Variants in TSHZ2 observed in about 807,000 individuals in gnomAD.
The protein encoded by TSHZ2 is teashirt zinc finger homeobox 2, also known as teashirt homolog 2.
Under a neutral mutation model 74.4 loss-of-function variants are expected in TSHZ2, and 21 were observed. That is an observed-to-expected ratio of 0.28 (90% CI 0.20 to 0.41). The LOEUF (loss-of-function observed/expected upper bound fraction) is 0.41. Among genes scored for constraint, TSHZ2 ranks in the 10% least tolerant of loss-of-function variants. TSHZ2 has a pLI of 1.00. For missense variants in TSHZ2, 1,244 were observed against 1,293.5 expected (o/e 0.96, Z 0.59); for synonymous variants, 540 against 515.3 (o/e 1.05, Z -0.65).
intron 2 of TSHZ2, among the ~76,000 whole-genome samples, chr20:53,278,128 A>G (rs1030341963): frequency 1.3e-5 from 2 of 152,162 alleles, no homozygotes; most frequent in African/African-American, 2.4e-5. Context: ...TGATCCTTAT[A>G]TTAGCCTTTC....
intron 2 of TSHZ2, among the ~76,000 whole-genome samples, chr20:53,454,862 A>G (rs1984986792): frequency 6.6e-6 from 1 of 152,148 alleles, no homozygotes; most frequent in African/African-American, 2.4e-5. Context: ...AGTATCAAGG[A>G]ACTGAAACTT....
rs918385344 is a variant in TSHZ2, at chr20:53,207,223, C to T, written c.41-46276C>T. Among the ~76,000 whole-genome samples the T allele has an allele frequency of 2.0e-5, 3 of 152,028 alleles. No individual in the cohort carries two copies. The East Asian group carries it at 5.8e-4, about 29-fold the overall frequency. ...CCACTGGCTGCTGCCCTAGTAAAGGCAGTGAGAAGGAAGAGAGGGAAATTG... is the reference window on the plus strand; with the variant it reads ...CCACTGGCTGCTGCCCTAGTAAAGGTAGTGAGAAGGAAGAGAGGGAAATTG... On this transcript the variant is annotated intron_variant, in intron 1 of 2. Transcript: ENST00000371497.
chr20:53,346,218 A>G (rs1200561633), intron 2 of TSHZ2, among the ~76,000 whole-genome samples: 1 of 152,008 alleles, frequency 6.6e-6, no homozygotes, highest in Non-Finnish European at 1.5e-5. Flanking sequence ...TTTTGACAGA[A>G]CTCACTTTCC....
rs1600758652 is a variant in TSHZ2 at position 53,235,432 on chromosome 20, A to G, written c.41-18067A>G. On this transcript the variant is annotated intron_variant, in intron 1 of 2. Coordinates refer to ENST00000371497, the MANE Select transcript of TSHZ2 (RefSeq NM_173485.6). ...TGATCCACCCACCTCAGCCTCCCAA[A>G]GTGCTGGGATTACAGGTGCGAGCCA... Among the ~76,000 whole-genome samples, 3 of 152,176 alleles carry G rather than the reference A, an allele frequency of 2.0e-5. No individual in the cohort carries two copies. The South Asian group carries it at 6.2e-4, about 32-fold the overall frequency.
chr20:53,220,612 G>A (rs144520709), intron 1 of TSHZ2, among the ~76,000 whole-genome samples: 1,581 of 152,250 alleles, frequency 0.01, 35 homozygotes, highest in African/African-American at 0.036. Flanking sequence ...CAGCTGAGTC[G>A]TTGTACCAGA....
chr20:53,078,904 A>G (rs560884869), intron 1 of TSHZ2, among the ~76,000 whole-genome samples: 1 of 152,328 alleles, frequency 6.6e-6, no homozygotes, highest in South Asian at 2.1e-4. Context: ...ACCATTGGGT[A>G]CTTATCTGGA....
At chr20:53,085,300 G>A in intron 1 of TSHZ2, among the ~76,000 whole-genome samples, 1 of 152,094 alleles carries the variant, frequency 6.6e-6, no homozygotes, top group East Asian at 1.9e-4. Flanking sequence ...AGGGGGCGGA[G>A]GTCGCAGTGA....
intron 1 of TSHZ2, among the ~76,000 whole-genome samples, chr20:53,085,149 TCTC>T (rs1397163640): frequency 6.6e-6 from 1 of 151,718 alleles, no homozygotes; most frequent in Admixed American, 6.6e-5. Context: ...TCACCTGAAG[TCTC>T]CTGACTTCGA....
intron 2 of TSHZ2, among the ~76,000 whole-genome samples, chr20:53,351,154 G>A (rs1293203999): frequency 2.6e-5 from 4 of 152,162 alleles, no homozygotes; most frequent in Admixed American, 2.0e-4. Context: ...ACTTTCATCC[G>A]CATCTGATCT....
At chr20:53,294,935 T>G (rs919078723) in intron 2 of TSHZ2, among the ~76,000 whole-genome samples, 10 of 152,206 alleles carry the variant, frequency 6.6e-5, no homozygotes, top group African/African-American at 2.4e-4. Context: ...ACGAGTCATT[T>G]CTGCTGCTGG....
chr20:53,226,332 T>C (rs1989686929), intron 1 of TSHZ2, among the ~76,000 whole-genome samples: 2 of 152,102 alleles, frequency 1.3e-5, no homozygotes, highest in Non-Finnish European at 2.9e-5. Context: ...TGCACAGTTG[T>C]TATAAAGGTA....
chr20:53,269,850 T>A (rs1376604671), intron 2 of TSHZ2, among the ~76,000 whole-genome samples: 1 of 151,944 alleles, frequency 6.6e-6, no homozygotes, highest in Admixed American at 6.6e-5. Flanking sequence ...AGAACTAACA[T>A]TTATTGAGCA....
chr20:53,352,563 C>T (rs1317888236), intron 2 of TSHZ2, among the ~76,000 whole-genome samples: 1 of 151,832 alleles, frequency 6.6e-6, no homozygotes, highest in African/African-American at 2.4e-5. Flanking sequence ...CACGTGAGGT[C>T]AGGACTTCAA....
At chr20:53,273,041 G>A (rs958049838) in intron 2 of TSHZ2, among the ~76,000 whole-genome samples, 1 of 152,232 alleles carries the variant, frequency 6.6e-6, no homozygotes, top group Non-Finnish European at 1.5e-5. Flanking sequence ...ATCCCAGGCA[G>A]GAGAAACAGG....
intron 2 of TSHZ2, among the ~76,000 whole-genome samples, chr20:53,409,230 GCT>G (rs978103861): frequency 6.7e-6 from 1 of 150,372 alleles, no homozygotes; most frequent in Non-Finnish European, 1.5e-5. Flanking sequence ...AATCAATAAT[GCT>G]CTGTTTGTTT....
At chr20:53,396,095 C>T (rs1468990043) in intron 2 of TSHZ2, among the ~76,000 whole-genome samples, 1 of 151,930 alleles carries the variant, frequency 6.6e-6, no homozygotes, top group Admixed American at 6.5e-5. Context: ...GCCACCACGC[C>T]TGGCTAATTT....
intron 2 of TSHZ2, among the ~76,000 whole-genome samples, chr20:53,418,904 G>T (rs1322038776): frequency 6.6e-6 from 1 of 152,098 alleles, no homozygotes; most frequent in Non-Finnish European, 1.5e-5. Flanking sequence ...TTGGGTGGGG[G>T]AGACCCTCTG....
intron 2 of TSHZ2, among the ~76,000 whole-genome samples, chr20:53,418,939 T>C (rs1983369394): frequency 6.6e-6 from 1 of 152,138 alleles, no homozygotes; most frequent in Non-Finnish European, 1.5e-5. Flanking sequence ...AGCCAAAATG[T>C]AAACATCCGG....
chr20:53,003,885 T>A (rs1220871150), intron 1 of TSHZ2, among the ~76,000 whole-genome samples: 1 of 152,022 alleles, frequency 6.6e-6, no homozygotes, highest in African/African-American at 2.4e-5. Context: ...TTCCTTCTTT[T>A]TTTTCTTTTT....
Sources: gnomAD v4.1 joint callset for allele counts (sites outside exome capture counted in the v4.1 genomes callset) on GRCh38, gnomAD v4.1.1 for gene constraint, MANE v1.5 for transcripts, NCBI Gene and HGNC (gene_info 2026-07-23, HGNC 2026-07-21) for gene names.